HTT: variants seen among roughly 807,000 people sequenced by gnomAD.
HTT encodes huntington disease protein.
HTT carries 104 observed loss-of-function variants against 362.3 expected under a neutral mutation model. The ratio of observed to expected loss-of-function variants is 0.29; its 90% CI spans 0.24 to 0.34. The LOEUF (loss-of-function observed/expected upper bound fraction) is 0.34. Among genes scored for constraint, HTT ranks in the 10% least tolerant of loss-of-function variants. HTT has a pLI of 1.00. For synonymous variants in HTT, 1,577 were observed against 1,548.7 expected, an observed-to-expected ratio of 1.02 and a Z score of -0.43; for missense variants, 3,301 against 3,928.6, an observed-to-expected ratio of 0.84 and a Z score of 4.27.
chr4:3,199,706 A>G (rs575696497), intron 40 of HTT, 26 bp from the exon 41 acceptor site: 2 of 1,605,102 alleles, frequency 1.2e-6, no homozygotes, highest in African/African-American at 1.3e-5. Context: ...GAAAGCAAAG[A>G]CATTTCTCCT....
In HTT at chr4:3,087,033, T is replaced by A; in HGVS notation, c.347+11T>A. ...GGCACAGTCTGTCAGGTAATTGCAC[T>A]TTGAACTGTCTAGAGAAAATAAGAA... is the stretch of plus-strand genomic sequence containing the variant. On this transcript the variant is annotated intron_variant, in intron 2 of 66. Coordinates refer to ENST00000355072, the MANE Select transcript of HTT (RefSeq NM_001388492.1). The A allele has an allele frequency of 6.7e-7, 1 of 1,482,628 alleles. No individual in the cohort carries two copies. The highest frequency in any genetic ancestry group is 9.4e-7 in the Non-Finnish European group (1 of 1,061,904). 91.8% of individuals were successfully genotyped at this position (1,482,628 alleles called of 1,614,324 possible).
At position 3,157,181 on chromosome 4, in the gene HTT, T is replaced by C; in HGVS notation, c.3735T>C (p.Ala1245=). The change falls in exon 28 of 67, where the codon GCT becomes GCC. Residue 1245 remains alanine, a synonymous_variant. Coordinates refer to ENST00000355072, the MANE Select transcript of HTT (RefSeq NM_001388492.1). Reference sequence around the variant, plus strand: ...TCAAACTGCATGATGTCCTGAAAGCTACACACGCTAACTACAAGGTATGGG... The same window carrying C: ...TCAAACTGCATGATGTCCTGAAAGCCACACACGCTAACTACAAGGTATGGG... The part of the protein sequence containing the change: ...SYLKLHDVLK[A]THANYKVTLD... 3 of 1,613,714 alleles carry C rather than the reference T, an allele frequency of 1.9e-6. No individual in the cohort carries two copies. Among genetic ancestry groups the C allele is most frequent in the Non-Finnish European group, 2.5e-6 (3 of 1,179,812 alleles).
At chr4:3,156,880 A>G (rs1483690151) in intron 27 of HTT, among the ~76,000 whole-genome samples, 192 bp from the exon 28 acceptor site, 1 of 152,346 alleles carries the variant, frequency 6.6e-6, no homozygotes, top group East Asian at 1.9e-4. Flanking sequence ...TTGTTATTTA[A>G]AAAGTACTTA....
rs962687575 is a variant in HTT at position 3,187,583 on chromosome 4, T to A, written c.4990-68T>A. ...TAGGAGTTATTTTCTTTCACAAAAT[T>A]GGCAATTGGGGGAAATTTAATCTTC... On this transcript the variant is annotated intron_variant, in intron 38 of 66. Transcript: ENST00000355072. The A allele has an allele frequency of 1.1e-5, 12 of 1,093,662 alleles. No individual in the cohort carries two copies. The African/African-American group carries it at 1.7e-4, about 16-fold the overall frequency. 67.7% of individuals were successfully genotyped at this position (1,093,662 alleles called of 1,614,324 possible).
rs116620983 is a variant in HTT, at chr4:3,220,904, G to A, written c.7369+596G>A. Among the ~76,000 whole-genome samples the A allele has an allele frequency of 2.0e-3, 304 of 152,282 alleles. 1 individual carries two copies. Among genetic ancestry groups the A allele is most frequent in the African/African-American group, 6.8e-3 (283 of 41,552 alleles). On this transcript the variant is annotated intron_variant, in intron 53 of 66. Transcript: ENST00000355072. The stretch of plus-strand genomic sequence containing the variant: ...TTTTGTCATATGTAAAATGGGGGTC[G>A]TGTCTATTTCATAGAATTGTTGCAG...
chr4:3,085,611 T>A (rs1713166624), intron 1 of HTT, among the ~76,000 whole-genome samples: 1 of 152,242 alleles, frequency 6.6e-6, no homozygotes, highest in Admixed American at 6.5e-5. Flanking sequence ...TATCAGTTCA[T>A]CATCTTAACT....
At chr4:3,196,912 C>T (rs1010838680) in intron 40 of HTT, among the ~76,000 whole-genome samples, 2 of 152,182 alleles carry the variant, frequency 1.3e-5, no homozygotes, top group Non-Finnish European at 2.9e-5. Flanking sequence ...AGGGGTCCCT[C>T]CCTCTGTGTA....
chr4:3,231,043 C>T (rs968501224), intron 60 of HTT, among the ~76,000 whole-genome samples: 2 of 152,258 alleles, frequency 1.3e-5, no homozygotes, highest in Non-Finnish European at 2.9e-5. Context: ...CCATCACCTG[C>T]ACACGTGAAA....
At chr4:3,234,919 A>G (rs947490971) in intron 61 of HTT, among the ~76,000 whole-genome samples, 1 of 152,182 alleles carries the variant, frequency 6.6e-6, no homozygotes, top group Non-Finnish European at 1.5e-5. Context: ...CCATGAAGGA[A>G]AAGCACAGGG....
chr4:3,154,293 GC>G lies in HTT; in HGVS notation c.3500del (p.Ala1167GlufsTer6). Reference protein sequence around the residue: ...DDVAPGPAIKAALPSLTNPPS... With the variant: ...DDVAPGPAIKXALPSLTNPPS... ...TTTTGTTTTTGTTTTTCTATTTTAG[GC>G]AGCCTTGCCTTCTCTAACAAACCCC... On this transcript the variant is annotated frameshift_variant and splice_region_variant, in exon 27 of 67. Transcript: ENST00000355072. LOFTEE classifies it high-confidence loss of function. 6.4e-7 allele frequency: 1 copy of G among 1,563,110 alleles called. No individual in the cohort carries two copies. The highest frequency in any genetic ancestry group is 8.6e-7 in the Non-Finnish European group (1 of 1,157,750).
chr4:3,139,605 T>C (rs1342423824), intron 21 of HTT, among the ~76,000 whole-genome samples: 1 of 152,240 alleles, frequency 6.6e-6, no homozygotes, highest in African/African-American at 2.4e-5. Context: ...TATGATAAAA[T>C]AGTTCATTGT....
chr4:3,150,988 G>A (rs1341266796), intron 26 of HTT, among the ~76,000 whole-genome samples: 1 of 151,922 alleles, frequency 6.6e-6, no homozygotes, highest in Non-Finnish European at 1.5e-5. Flanking sequence ...GCAGTGAGCC[G>A]AGATTGTGCC....
Position 3,173,047 on chromosome 4 carries a change from C to G in HTT, c.4082C>G (p.Ala1361Gly). 6.2e-7 allele frequency: 1 copy of G among 1,614,164 alleles called. No homozygotes were observed. Among genetic ancestry groups the G allele is most frequent in the Non-Finnish European group, 8.5e-7 (1 of 1,180,032 alleles). ...RPGLYHYCFM[A>G]PYTHFTQALA... is the part of the protein sequence containing the mutation. ...GGCTTGTACCACTACTGCTTCATGG[C>G]CCCGTACACCCACTTCACCCAGGCC... Residue 1361 changes from alanine (A) to glycine (G), a missense_variant, in exon 31 of 67, where the codon GCC becomes GGC. Coordinates refer to ENST00000355072, the MANE Select transcript of HTT (RefSeq NM_001388492.1).
At chr4:3,160,615 T>A (rs1426528808) in intron 29 of HTT, among the ~76,000 whole-genome samples, 1 of 152,226 alleles carries the variant, frequency 6.6e-6, no homozygotes, top group East Asian at 1.9e-4. Flanking sequence ...TTATCATGTA[T>A]TAGCTTAGAC....
Position 3,220,234 on chromosome 4 carries a change from T to G in HTT, c.7295T>G (p.Phe2432Cys), listed in dbSNP as rs757923132. ...CCGGGAGGGGATTTTGGCACAGCATTCCCTGAGATCCCCGTGGAGTTCCTC... is the reference window on the plus strand; with the variant it reads ...CCGGGAGGGGATTTTGGCACAGCATGCCCTGAGATCCCCGTGGAGTTCCTC... ...PKPGGDFGTAFPEIPVEFLQE... is the reference protein window; with the variant it reads ...PKPGGDFGTACPEIPVEFLQE... The change falls in exon 53 of 67, where the codon TTC becomes TGC. Residue 2432 changes from phenylalanine to cysteine, a missense_variant. Phe to Cys is a radical substitution (Grantham distance 205, BLOSUM62 -2). Coordinates refer to ENST00000355072, the MANE Select transcript of HTT (RefSeq NM_001388492.1). 6.2e-7 allele frequency: 1 copy of G among 1,613,988 alleles called. No homozygotes were observed. The highest frequency in any genetic ancestry group is 8.5e-7 in the Non-Finnish European group (1 of 1,179,964).
intron 4 of HTT, 97 bp from the exon 5 acceptor site, chr4:3,105,260 T>C (rs2110161404): frequency 1.2e-6 from 1 of 820,760 alleles, no homozygotes; most frequent in Non-Finnish European, 2.1e-6. Flanking sequence ...TTCTCTAAAA[T>C]TAGAAAGTAA....
chr4:3,170,559 C>G (rs1578557344), intron 29 of HTT, among the ~76,000 whole-genome samples: 3 of 152,290 alleles, frequency 2.0e-5, no homozygotes, highest in African/African-American at 7.2e-5. Flanking sequence ...CCCCAGATCT[C>G]CAGAGCTCTC....
Position 3,217,752 on chromosome 4 carries a change from G to A in HTT, c.7055-13G>A, listed in dbSNP as rs377142613. 7 of 1,604,508 alleles carry A rather than the reference G, an allele frequency of 4.4e-6. No individual in the cohort carries two copies. Among genetic ancestry groups the A allele is most frequent in the South Asian group, 3.3e-5 (3 of 90,104 alleles). ...TTTTTTAAAAAGTCCTCTCTTAACC[G>A]TTGCTTGTTTAGATCCTAAGTATAT... is the stretch of plus-strand genomic sequence containing the variant. On this transcript the variant is annotated splice_polypyrimidine_tract_variant and intron_variant, in intron 51 of 66. Coordinates refer to ENST00000355072, the MANE Select transcript of HTT (RefSeq NM_001388492.1).
intron 2 of HTT, among the ~76,000 whole-genome samples, chr4:3,090,967 C>G (rs1222745740): frequency 6.6e-6 from 1 of 152,136 alleles, no homozygotes; most frequent in Non-Finnish European, 1.5e-5. Context: ...CAAAAATTAG[C>G]TGGGTGTGGT....
Sources: allele counts gnomAD v4.1 joint callset (sites outside exome capture counted in the v4.1 genomes callset), GRCh38; gene constraint gnomAD v4.1.1; transcripts MANE v1.5; gene names NCBI Gene and HGNC (gene_info 2026-07-23, HGNC 2026-07-21).